The following SCTR variants were observed in gnomAD, a reference collection of about 807,000 sequenced individuals.
SCTR encodes secretin receptor.
A neutral mutation model predicts 60.8 loss-of-function variants in SCTR; 56 were observed. That is an observed-to-expected ratio of 0.92 (90% CI 0.74 to 1.15). The LOEUF (loss-of-function observed/expected upper bound fraction) is 1.15, where lower values mean the gene tolerates loss of function less well. Ranked by LOEUF, SCTR falls within the 50% of genes most tolerant of loss-of-function variation. The pLI is 0.00. For synonymous variants in SCTR, 202 were observed against 217.0 expected, an observed-to-expected ratio of 0.93 and a Z score of 0.61; for missense variants, 562 against 550.4, an observed-to-expected ratio of 1.02 and a Z score of -0.21.
intron 10 of SCTR, 62 bp from the exon 11 acceptor site, chr2:119,446,947 G>T: frequency 1.5e-6 from 2 of 1,360,664 alleles, no homozygotes; most frequent in East Asian, 5.5e-5. Context: ...TCCTCCTGTA[G>T]GCACACAGCT....
At chr2:119,482,502 T>C (rs1433361988) in intron 2 of SCTR, among the ~76,000 whole-genome samples, 1 of 152,164 alleles carries the variant, frequency 6.6e-6, no homozygotes, top group Non-Finnish European at 1.5e-5. Context: ...TGGAAGCATC[T>C]ATGAGGCCAA....
intron 1 of SCTR, among the ~76,000 whole-genome samples, chr2:119,520,058 A>G (rs1451425640): frequency 6.6e-6 from 1 of 152,172 alleles, no homozygotes; most frequent in Non-Finnish European, 1.5e-5. Flanking sequence ...AGAGTCAATT[A>G]AAGGAGCCTT....
At chr2:119,480,339 G>A (rs1677543964) in intron 2 of SCTR, among the ~76,000 whole-genome samples, 1 of 152,180 alleles carries the variant, frequency 6.6e-6, no homozygotes, top group Non-Finnish European at 1.5e-5. Context: ...ACATGGCGGT[G>A]GGCAGGAGGA....
intron 7 of SCTR, among the ~76,000 whole-genome samples, chr2:119,459,655 C>T (rs1274607910): frequency 1.3e-5 from 2 of 152,158 alleles, no homozygotes; most frequent in East Asian, 3.9e-4. Flanking sequence ...ACTCAATTCT[C>T]AGCACCCAGC....
intron 4 of SCTR, among the ~76,000 whole-genome samples, chr2:119,471,665 C>T (rs903398916): frequency 1.3e-5 from 2 of 152,232 alleles, no homozygotes; most frequent in South Asian, 2.1e-4. Context: ...TCACCCTACC[C>T]TCCAAGGGAC....
At chr2:119,502,573 T>A (rs917865221) in intron 1 of SCTR, among the ~76,000 whole-genome samples, 52 of 152,274 alleles carry the variant, frequency 3.4e-4, no homozygotes, top group African/African-American at 1.1e-3. Context: ...TGTTTTTTTT[T>A]AAGAAGTGAA....
intron 4 of SCTR, among the ~76,000 whole-genome samples, chr2:119,468,284 C>G (rs766981405): frequency 1.3e-5 from 2 of 152,198 alleles, no homozygotes; most frequent in South Asian, 2.1e-4. Context: ...ACCTGGCTGA[C>G]AGCTCTTCAT....
At chr2:119,477,546 G>A (rs1356027956) in intron 3 of SCTR, among the ~76,000 whole-genome samples, 1 of 152,088 alleles carries the variant, frequency 6.6e-6, no homozygotes, top group Non-Finnish European at 1.5e-5. Context: ...AGCCTCCCAG[G>A]TTCAAGTGAT....
At chr2:119,497,503 T>C (rs1297384438) in intron 1 of SCTR, among the ~76,000 whole-genome samples, 2 of 152,078 alleles carry the variant, frequency 1.3e-5, no homozygotes, top group African/African-American at 2.4e-5. Flanking sequence ...ACTGAGATGA[T>C]AGAGTTGTTA....
intron 3 of SCTR, among the ~76,000 whole-genome samples, chr2:119,475,169 G>A (rs565600246): frequency 9.2e-5 from 14 of 152,344 alleles, no homozygotes; most frequent in South Asian, 2.1e-4. Flanking sequence ...ATTTAGGCGA[G>A]GGGTGGGGAG....
At chr2:119,474,355 C>A (rs890028141) in intron 3 of SCTR, among the ~76,000 whole-genome samples, 2 of 152,202 alleles carry the variant, frequency 1.3e-5, no homozygotes, top group Non-Finnish European at 2.9e-5. Flanking sequence ...CCCACTGGAG[C>A]TTTTACAGCA....
chr2:119,489,352 G>A (rs1187628446), intron 2 of SCTR, among the ~76,000 whole-genome samples: 2 of 152,146 alleles, frequency 1.3e-5, no homozygotes, highest in Non-Finnish European at 2.9e-5. Context: ...GCTGTCTTTT[G>A]TTTTATCCTT....
chr2:119,450,914 G>T (rs1464925090), intron 9 of SCTR, among the ~76,000 whole-genome samples: 1 of 152,198 alleles, frequency 6.6e-6, no homozygotes, highest in Non-Finnish European at 1.5e-5. Flanking sequence ...GTGAGTCATG[G>T]GTTGCGCCAC....
intron 7 of SCTR, among the ~76,000 whole-genome samples, 179 bp from the exon 8 acceptor site, chr2:119,453,526 C>CA (rs776304586): frequency 6.6e-6 from 1 of 152,222 alleles, no homozygotes; most frequent in Non-Finnish European, 1.5e-5. Flanking sequence ...CCATGTGCCT[C>CA]AAGGGTGCCG....
chr2:119,490,435 C>A (rs1356125284), intron 2 of SCTR, among the ~76,000 whole-genome samples: 1 of 152,244 alleles, frequency 6.6e-6, no homozygotes, highest in Non-Finnish European at 1.5e-5. Flanking sequence ...CCTGCACTCT[C>A]CTGGTGCAAC....
chr2:119,482,416 C>A (rs1346995646), intron 2 of SCTR, among the ~76,000 whole-genome samples: 1 of 152,168 alleles, frequency 6.6e-6, no homozygotes, highest in Non-Finnish European at 1.5e-5. Flanking sequence ...GGGCAGGCTG[C>A]AACCATGAGC....
At chr2:119,480,172 G>T (rs969918230) in intron 2 of SCTR, among the ~76,000 whole-genome samples, 9 of 152,128 alleles carry the variant, frequency 5.9e-5, no homozygotes, top group African/African-American at 9.7e-5. Flanking sequence ...TGCCTTATAG[G>T]TATGGTACTG....
At chr2:119,456,261 C>T (rs1304147555) in intron 7 of SCTR, among the ~76,000 whole-genome samples, 6 of 151,798 alleles carry the variant, frequency 4.0e-5, no homozygotes, top group African/African-American at 1.2e-4. Flanking sequence ...GGTTTCAACA[C>T]GTTGGCCAGG....
At position 119,524,447 on chromosome 2, in the gene SCTR, G is replaced by T; in HGVS notation, c.-221C>A. 2.7e-6 allele frequency: 1 copy of T among 366,836 alleles called. No homozygotes were observed. The highest frequency in any genetic ancestry group is 4.8e-6 in the Non-Finnish European group (1 of 206,494). 22.7% of individuals were successfully genotyped at this position (366,836 alleles called of 1,614,324 possible). On this transcript the variant is annotated 5_prime_UTR_variant, in exon 1 of 13. Transcript: ENST00000019103. ...CCGCCCGCCCCATTGATCAGGACGC[G>T]GCTTTGCCGGCGCGCCTCCTCCACC...
Sources: gnomAD v4.1 joint callset for allele counts (sites outside exome capture counted in the v4.1 genomes callset) on GRCh38, gnomAD v4.1.1 for gene constraint, MANE v1.5 for transcripts, NCBI Gene and HGNC (gene_info 2026-07-23, HGNC 2026-07-21) for gene names.